Variants in SLC39A11 observed in about 807,000 individuals in gnomAD.
SLC39A11 encodes solute carrier family 39 member 11, also known as zinc transporter ZIP11.
SLC39A11 carries 33 observed loss-of-function variants against 36.1 expected under a neutral mutation model. That is an observed-to-expected ratio of 0.91 (90% CI 0.69 to 1.22). The LOEUF is 1.22. SLC39A11 is among the 50% of genes most tolerant of loss of function. The pLI, the probability that SLC39A11 is intolerant of heterozygous loss-of-function variation, is 0.00. For missense variants in SLC39A11, 432 were observed against 430.3 expected (o/e 1.00, Z -0.03); for synonymous variants, 166 against 170.3 (o/e 0.97, Z 0.20).
chr17:72,918,517 A>T (rs2083457887), intron 5 of SLC39A11, among the ~76,000 whole-genome samples: 1 of 152,216 alleles, frequency 6.6e-6, no homozygotes, highest in Non-Finnish European at 1.5e-5. Flanking sequence ...TCTCAGCCAG[A>T]GCCCTGGCGC....
chr17:72,806,681 C>A (rs1042610992), intron 6 of SLC39A11, among the ~76,000 whole-genome samples: 6 of 152,128 alleles, frequency 3.9e-5, no homozygotes, highest in Admixed American at 3.3e-4. Flanking sequence ...CTCCCAAGTT[C>A]AAGTGATTCT....
intron 7 of SLC39A11, among the ~76,000 whole-genome samples, chr17:72,660,178 T>C (rs1316585050): frequency 2.6e-5 from 4 of 152,182 alleles, no homozygotes; most frequent in Non-Finnish European, 4.4e-5. Flanking sequence ...GCACAGAGCA[T>C]GTGCCAGGAG....
At chr17:72,661,798 C>A (rs2070434048) in intron 7 of SLC39A11, among the ~76,000 whole-genome samples, 1 of 152,148 alleles carries the variant, frequency 6.6e-6, no homozygotes, top group Admixed American at 6.5e-5. Context: ...ATGAGATGAC[C>A]CATCCATTCC....
intron 5 of SLC39A11, among the ~76,000 whole-genome samples, chr17:72,852,583 G>A (rs2079415847): frequency 1.3e-5 from 2 of 152,088 alleles, no homozygotes; most frequent in African/African-American, 2.4e-5. Flanking sequence ...GTGTGTGTGT[G>A]CATGTGTGCA....
intron 4 of SLC39A11, among the ~76,000 whole-genome samples, chr17:72,994,147 A>C (rs142933166): frequency 1.3e-5 from 2 of 152,278 alleles, no homozygotes; most frequent in African/African-American, 4.8e-5. Flanking sequence ...CATTTGCTTC[A>C]TATACAGTAG....
intron 6 of SLC39A11, among the ~76,000 whole-genome samples, chr17:72,748,820 T>C (rs1331763834): frequency 2.0e-5 from 3 of 152,200 alleles, no homozygotes; most frequent in Non-Finnish European, 2.9e-5. Flanking sequence ...TGCATGCCTC[T>C]AGCCAACTCC....
intron 4 of SLC39A11, among the ~76,000 whole-genome samples, chr17:72,971,404 C>T (rs1162260761): frequency 6.6e-6 from 1 of 151,996 alleles, no homozygotes; most frequent in Non-Finnish European, 1.5e-5. Context: ...AGCTCTGGGC[C>T]CACTGCTCAA....
intron 3 of SLC39A11, chr17:73,068,172 C>T: frequency 2.4e-6 from 3 of 1,252,410 alleles, no homozygotes; most frequent in Non-Finnish European, 3.4e-6. Context: ...CCCGGAGAAA[C>T]TGCAGTGGAA....
chr17:72,650,755 T>C (rs1179615086), intron 7 of SLC39A11, among the ~76,000 whole-genome samples: 7 of 152,136 alleles, frequency 4.6e-5, no homozygotes, highest in Non-Finnish European at 8.8e-5. Flanking sequence ...CTCACGTCCA[T>C]CCATCTTGCT....
chr17:72,687,804 G>T (rs761329222), intron 7 of SLC39A11, among the ~76,000 whole-genome samples: 29 of 152,186 alleles, frequency 1.9e-4, no homozygotes, highest in Admixed American at 4.6e-4. Flanking sequence ...ATGCTCTATA[G>T]GTTCTATTGT....
At chr17:72,906,344 G>C (rs2082656184) in intron 5 of SLC39A11, among the ~76,000 whole-genome samples, 1 of 152,242 alleles carries the variant, frequency 6.6e-6, no homozygotes, top group Admixed American at 6.5e-5. Context: ...AAAATAGTCA[G>C]GATTGAGAGA....
At chr17:72,853,092 G>T (rs9909307) in intron 5 of SLC39A11, among the ~76,000 whole-genome samples, 79,214 of 151,968 alleles carry the variant, frequency 0.52, 21,159 homozygotes, top group Middle Eastern at 0.58. Context: ...TCAGCTCACT[G>T]CAGCCTCCAC....
chr17:72,868,973 A>G (rs1475538424), intron 5 of SLC39A11, among the ~76,000 whole-genome samples: 1 of 152,192 alleles, frequency 6.6e-6, no homozygotes, highest in African/African-American at 2.4e-5. Context: ...GATAGGATGA[A>G]TTTCACTGCT....
intron 6 of SLC39A11, among the ~76,000 whole-genome samples, chr17:72,826,279 G>A (rs1486843258): frequency 6.6e-6 from 1 of 152,116 alleles, no homozygotes; most frequent in African/African-American, 2.4e-5. Context: ...TGTAAGATGT[G>A]CCTCCTTCCT....
In SLC39A11 at chr17:73,004,411, A is replaced by G. The variant is rs138862045; in HGVS notation, c.306+27145T>C. 3.7e-3 allele frequency among the ~76,000 whole-genome samples: 560 copies of G among 152,278 alleles called. 6 individuals carry two copies. The highest frequency in any genetic ancestry group is 0.013 in the African/African-American group (532 of 41,560). On this transcript the variant is annotated intron_variant, in intron 4 of 9. Coordinates refer to ENST00000255559, the MANE Select transcript of SLC39A11 (RefSeq NM_139177.4). ...TTCTTGCCGTGTCCTCACAGGGTGA[A>G]GTAAGAAAGACAGCGAGCTCTCTGG...
intron 3 of SLC39A11, among the ~76,000 whole-genome samples, chr17:73,083,374 C>A (rs2060613554): frequency 6.6e-6 from 1 of 152,204 alleles, no homozygotes; most frequent in African/African-American, 2.4e-5. Context: ...TCCAGTCTAA[C>A]AGCTACTGAC....
chr17:72,961,534 T>G (rs949183753), intron 4 of SLC39A11, among the ~76,000 whole-genome samples: 1 of 152,166 alleles, frequency 6.6e-6, no homozygotes, highest in African/African-American at 2.4e-5. Flanking sequence ...GTGGCACATA[T>G]ACACCATGGA....
At chr17:72,821,292 C>T (rs1255350643) in intron 6 of SLC39A11, among the ~76,000 whole-genome samples, 1 of 149,940 alleles carries the variant, frequency 6.7e-6, no homozygotes, top group East Asian at 1.9e-4. Context: ...CACCTGAGGT[C>T]GGAAATTGGA....
rs139656846 is a variant in SLC39A11 at position 72,966,310 on chromosome 17, G to A, written c.307-18435C>T. ...GAAAATTGTGACCTCCACGCAAGCC[G>A]GCCCAGGCTCTTTCGGGTGTGGGCA... On this transcript the variant is annotated intron_variant, in intron 4 of 9. Transcript: ENST00000255559. Among the ~76,000 whole-genome samples, 6 of 152,272 alleles carry A rather than the reference G, an allele frequency of 3.9e-5. No individual in the cohort carries two copies. The South Asian group carries it at 6.2e-4, about 16-fold the overall frequency.
Sources: allele counts gnomAD v4.1 joint callset (sites outside exome capture counted in the v4.1 genomes callset), GRCh38; gene constraint gnomAD v4.1.1; transcripts MANE v1.5; gene names NCBI Gene and HGNC (gene_info 2026-07-23, HGNC 2026-07-21).